The following RYR3 variants were observed in gnomAD, a reference collection of about 807,000 sequenced individuals.
RYR3 encodes the protein ryanodine receptor 3.
A neutral mutation model predicts 584.3 loss-of-function variants in RYR3; 207 were observed. The observed-to-expected ratio is 0.35, with a 90% CI of 0.32 to 0.40. RYR3 has a LOEUF of 0.40. Ranked by LOEUF, RYR3 falls within the 10% of genes least tolerant of loss-of-function variation. RYR3 has a pLI of 1.00. For synonymous variants in RYR3, 2,416 were observed against 2,248.5 expected (o/e 1.07, Z -2.11); for missense variants, 5,616 against 6,089.2 (o/e 0.92, Z 2.59).
At chr15:33,638,505 G>C (rs2061624039) in intron 27 of RYR3, among the ~76,000 whole-genome samples, 1 of 152,212 alleles carries the variant, frequency 6.6e-6, no homozygotes, top group Admixed American at 6.5e-5. Context: ...CTCATATGTT[G>C]TGCAGAGTTA....
chr15:33,359,785 A>AT (rs1202893811), intron 1 of RYR3, among the ~76,000 whole-genome samples: 6 of 151,128 alleles, frequency 4.0e-5, no homozygotes, highest in Admixed American at 3.3e-4. Context: ...AGCCTGGCTA[A>AT]TTTTTTTTGT....
At chr15:33,805,853 C>G (rs2076179542) in intron 69 of RYR3, among the ~76,000 whole-genome samples, 1 of 151,976 alleles carries the variant, frequency 6.6e-6, no homozygotes, top group South Asian at 2.1e-4. Flanking sequence ...CTCTGTCTCT[C>G]TCTCTCATAA....
chr15:33,417,388 A>G (rs2676043), intron 1 of RYR3, among the ~76,000 whole-genome samples: 24,437 of 151,962 alleles, frequency 0.16, 3,349 homozygotes, highest in African/African-American at 0.37. Flanking sequence ...TAGTTCTCCT[A>G]TAAAGATCTT....
Position 33,835,150 on chromosome 15 carries a change from G to GA in RYR3, c.11568+79dup, listed in dbSNP as rs1038873298. ...CCTCACTCCTTGGTGTTCCCATTGT[G>GA]ATGTGGCTGCTTGATCAAAGGCTGG... On this transcript the variant is annotated intron_variant, in intron 87 of 103. Transcript: ENST00000634891. The GA allele has an allele frequency of 2.7e-6, 3 of 1,111,350 alleles. No individual in the cohort carries two copies. The African/African-American group carries it at 4.6e-5, about 17-fold the overall frequency. 68.8% of individuals were successfully genotyped at this position (1,111,350 alleles called of 1,614,324 possible). A position where few individuals can be genotyped will look rare whatever the true frequency, so the allele number is the denominator to read the frequency against.
At chr15:33,422,998 A>G (rs191186914) in intron 1 of RYR3, among the ~76,000 whole-genome samples, 20 of 152,326 alleles carry the variant, frequency 1.3e-4, no homozygotes, top group African/African-American at 4.8e-4. Flanking sequence ...ATTGTAACAT[A>G]TATATAACAT....
intron 27 of RYR3, among the ~76,000 whole-genome samples, chr15:33,640,477 C>G (rs987856662): frequency 2.0e-5 from 3 of 152,248 alleles, no homozygotes; most frequent in African/African-American, 7.2e-5. Flanking sequence ...CTACCTCCCT[C>G]TCTCTAAGAT....
At chr15:33,627,075 A>C (rs969131795) in intron 20 of RYR3, among the ~76,000 whole-genome samples, 8 of 152,166 alleles carry the variant, frequency 5.3e-5, no homozygotes, top group African/African-American at 1.9e-4. Flanking sequence ...AGCAGCTTGC[A>C]CCATGCACCT....
intron 38 of RYR3, among the ~76,000 whole-genome samples, chr15:33,682,515 A>G (rs1482778776): frequency 6.6e-6 from 1 of 152,174 alleles, no homozygotes; most frequent in Non-Finnish European, 1.5e-5. Flanking sequence ...GACTACCCCT[A>G]ATTACGCTAA....
At chr15:33,513,973 A>G (rs1020293247) in intron 3 of RYR3, among the ~76,000 whole-genome samples, 1 of 152,192 alleles carries the variant, frequency 6.6e-6, no homozygotes, top group African/African-American at 2.4e-5. Flanking sequence ...CTTGTTCTGT[A>G]AGGCCTATTC....
intron 3 of RYR3, 138 bp downstream of exon 3, chr15:33,503,876 C>A (rs150465412): frequency 6.4e-6 from 4 of 626,578 alleles, no homozygotes; most frequent in Non-Finnish European, 1.2e-5. Context: ...AAATCTTTCT[C>A]CCTGAGTTGA....
chr15:33,516,238 C>T (rs2053507234), intron 3 of RYR3, among the ~76,000 whole-genome samples: 1 of 152,038 alleles, frequency 6.6e-6, no homozygotes, highest in South Asian at 2.1e-4. Context: ...AATTTATCCT[C>T]AGGTTCTAGC....
At chr15:33,519,799 T>C (rs2053830290) in intron 3 of RYR3, among the ~76,000 whole-genome samples, 1 of 152,110 alleles carries the variant, frequency 6.6e-6, no homozygotes, top group South Asian at 2.1e-4. Flanking sequence ...ATTAGGAGCA[T>C]CCGTTCTGTC....
At chr15:33,476,860 A>G (rs2049430464) in intron 2 of RYR3, among the ~76,000 whole-genome samples, 1 of 152,172 alleles carries the variant, frequency 6.6e-6, no homozygotes, top group Non-Finnish European at 1.5e-5. Flanking sequence ...GATAGAGCAG[A>G]TATTCAGAAT....
chr15:33,541,473 C>T (rs180951175), intron 7 of RYR3, among the ~76,000 whole-genome samples: 1 of 152,136 alleles, frequency 6.6e-6, no homozygotes, highest in African/African-American at 2.4e-5. Context: ...AATCAATACA[C>T]CTTTCAAGTT....
intron 8 of RYR3, among the ~76,000 whole-genome samples, chr15:33,544,328 A>G (rs934981924): frequency 2.9e-4 from 44 of 152,052 alleles, no homozygotes; most frequent in African/African-American, 1.0e-3. Flanking sequence ...CCTTGTAACT[A>G]TAGAAATCTG....
At chr15:33,817,204 T>C (rs533871021) in intron 75 of RYR3, among the ~76,000 whole-genome samples, 1 of 152,332 alleles carries the variant, frequency 6.6e-6, no homozygotes, top group Non-Finnish European at 1.5e-5. Context: ...CTAATATTTC[T>C]TAAAATGCAC....
chr15:33,758,102 A>C (rs569070065), intron 60 of RYR3, among the ~76,000 whole-genome samples: 29 of 152,294 alleles, frequency 1.9e-4, no homozygotes, highest in African/African-American at 7.0e-4. Flanking sequence ...GAAACGGTGC[A>C]TTCTGGCCCA....
At position 33,589,861 on chromosome 15, in the gene RYR3, A is replaced by G. The variant is rs530321829; in HGVS notation, c.1788+3745A>G. On this transcript the variant is annotated intron_variant, in intron 16 of 103. Coordinates refer to ENST00000634891, the MANE Select transcript of RYR3 (RefSeq NM_001036.6). ...CCAGTACCATGCTATTTTGCTTACTATAGCCTTGTAGTATAATTTGAGGTC... is the reference window on the plus strand; with the variant it reads ...CCAGTACCATGCTATTTTGCTTACTGTAGCCTTGTAGTATAATTTGAGGTC... Among the ~76,000 whole-genome samples the G allele has an allele frequency of 5.9e-5, 9 of 152,312 alleles. No individual in the cohort carries two copies. The East Asian group carries it at 1.4e-3, about 23-fold the overall frequency.
At chr15:33,862,257 G>C (rs953291037) in intron 102 of RYR3, among the ~76,000 whole-genome samples, 2 of 152,184 alleles carry the variant, frequency 1.3e-5, no homozygotes, top group South Asian at 2.1e-4. Context: ...CCGTTGCCCA[G>C]GCTCGAGTGC....
Sources: allele counts gnomAD v4.1 joint callset (sites outside exome capture counted in the v4.1 genomes callset), GRCh38; gene constraint gnomAD v4.1.1; transcripts MANE v1.5; gene names NCBI Gene and HGNC (gene_info 2026-07-23, HGNC 2026-07-21).